PLA2G4C: variants seen among roughly 807,000 people sequenced by gnomAD.
PLA2G4C encodes the protein phospholipase A2 group IVC.
Under a neutral mutation model 73.8 loss-of-function variants are expected in PLA2G4C, and 64 were observed. That is an observed-to-expected ratio of 0.87 (90% CI 0.71 to 1.07). The LOEUF (loss-of-function observed/expected upper bound fraction) is 1.07, where lower values mean the gene tolerates loss of function less well. Ranked by LOEUF, PLA2G4C falls within the 50% of genes least tolerant of loss-of-function variation. The probability of loss-of-function intolerance (pLI) is 0.00; values close to 1 mark genes in which losing one functional copy is unlikely to be tolerated. For synonymous variants in PLA2G4C, 254 were observed against 252.1 expected, an observed-to-expected ratio of 1.01 and a Z score of -0.07; for missense variants, 622 against 665.4, an observed-to-expected ratio of 0.93 and a Z score of 0.72.
chr19:48,048,075 TCAGA>T lies in PLA2G4C; in HGVS notation c.*264_*267del, dbSNP rs1967589069. 1.2e-5 allele frequency: 6 copies of T among 492,446 alleles called. No homozygotes were observed. Among genetic ancestry groups the T allele is most frequent in the Non-Finnish European group, 2.1e-5 (6 of 283,136 alleles). 30.5% of individuals were successfully genotyped at this position (492,446 alleles called of 1,614,324 possible). ...ACATTGGACATGATGCTTCTGATTG[TCAGA>T]CACTCATGCTCCAGCTCCAGGATCT... On this transcript the variant is annotated 3_prime_UTR_variant, in exon 17 of 17. Transcript: ENST00000599921.
intron 12 of PLA2G4C, 102 bp downstream of exon 12, chr19:48,074,665 T>A (rs2030013194): frequency 1.3e-6 from 1 of 782,248 alleles, no homozygotes; most frequent in Non-Finnish European, 2.3e-6. Context: ...CATCTGGTCA[T>A]GTCCCCTGCA....
At chr19:48,084,144 T>C (rs1017257818) in intron 10 of PLA2G4C, among the ~76,000 whole-genome samples, 1 of 150,676 alleles carries the variant, frequency 6.6e-6, no homozygotes, top group Non-Finnish European at 1.5e-5. Flanking sequence ...ACTGCAGCCT[T>C]TGCCTCCTGG....
At position 48,074,882 on chromosome 19, in the gene PLA2G4C, A is replaced by C. The variant is rs780609124; in HGVS notation, c.899-8T>G. On this transcript the variant is annotated splice_polypyrimidine_tract_variant and splice_region_variant and intron_variant, in intron 11 of 16. Transcript: ENST00000599921. ...CAGGCTCACCGCCTTCATCTACGTCAAGAAATCCAGGTGGTCTCAGACACT... is the reference window on the plus strand; with the variant it reads ...CAGGCTCACCGCCTTCATCTACGTCCAGAAATCCAGGTGGTCTCAGACACT... The C allele has an allele frequency of 3.2e-6, 5 of 1,580,810 alleles. No individual in the cohort carries two copies. Among genetic ancestry groups the C allele is most frequent in the Non-Finnish European group, 4.3e-6 (5 of 1,159,062 alleles).
intron 11 of PLA2G4C, among the ~76,000 whole-genome samples, chr19:48,077,112 T>TA (rs2030216976): frequency 6.6e-6 from 1 of 152,212 alleles, no homozygotes; most frequent in African/African-American, 2.4e-5. Flanking sequence ...TGCCTCAGGC[T>TA]GTTCCCATTT....
intron 5 of PLA2G4C, 53 bp from the exon 6 acceptor site, chr19:48,098,312 G>A: frequency 6.5e-7 from 1 of 1,545,584 alleles, no homozygotes; most frequent in Non-Finnish European, 8.7e-7. Context: ...GTCCCACAGG[G>A]TGGAACCTCT....
chr19:48,060,385 C>A lies in PLA2G4C; in HGVS notation c.1257+1613G>T, dbSNP rs1968125730. Among the ~76,000 whole-genome samples the A allele has an allele frequency of 2.0e-5, 3 of 152,184 alleles. No individual in the cohort carries two copies. The South Asian group carries it at 6.2e-4, about 31-fold the overall frequency. On this transcript the variant is annotated intron_variant, in intron 14 of 16. Transcript: ENST00000599921. Reference sequence around the variant, plus strand: ...CTCAAGTGCCACATGTGGCCGGCAACCACTGTAGTGGACAGCTTAGGTCTC... The same window carrying A: ...CTCAAGTGCCACATGTGGCCGGCAAACACTGTAGTGGACAGCTTAGGTCTC...
At chr19:48,101,559 T>C (rs139378722) in intron 4 of PLA2G4C, among the ~76,000 whole-genome samples, 62 of 152,282 alleles carry the variant, frequency 4.1e-4, no homozygotes, top group Admixed American at 1.8e-3. Flanking sequence ...TGATTTAAAA[T>C]ATTTATTTCA....
At chr19:48,085,827 T>G (rs2030941089) in intron 9 of PLA2G4C, among the ~76,000 whole-genome samples, 1 of 152,050 alleles carries the variant, frequency 6.6e-6, no homozygotes, top group Non-Finnish European at 1.5e-5. Context: ...GAAAGTCCAG[T>G]CTCTGGGGTA....
At chr19:48,108,997 G>A (rs913202481) in intron 1 of PLA2G4C, 1 of 152,156 alleles carries the variant, frequency 6.6e-6, no homozygotes, top group African/African-American at 2.4e-5. Context: ...CTGGGGGTCA[G>A]TTTTCTTTGT....
chr19:48,062,230 G>C, intron 13 of PLA2G4C, 78 bp from the exon 14 acceptor site: 1 of 1,264,648 alleles, frequency 7.9e-7, no homozygotes. Flanking sequence ...GGCAGAGAGG[G>C]GGATGGGAAA....
chr19:48,061,391 C>G (rs1312408999), intron 14 of PLA2G4C: 1 of 153,500 alleles, frequency 6.5e-6, no homozygotes, highest in Non-Finnish European at 1.5e-5. Context: ...CAGAACAACT[C>G]CTGGTGGAGC....
intron 9 of PLA2G4C, among the ~76,000 whole-genome samples, chr19:48,088,276 C>T (rs1202618825): frequency 6.6e-6 from 1 of 151,840 alleles, no homozygotes; most frequent in Non-Finnish European, 1.5e-5. Flanking sequence ...TCCCTATATC[C>T]AAGGAACTCT....
rs915241149 is a variant in PLA2G4C at position 48,099,874 on chromosome 19, G to A, written c.258-14C>T. 1 of 1,592,376 alleles carries A rather than the reference G, an allele frequency of 6.3e-7. No individual in the cohort carries two copies. The highest frequency in any genetic ancestry group is 1.3e-5 in the African/African-American group (1 of 74,360). On this transcript the variant is annotated splice_polypyrimidine_tract_variant and intron_variant, in intron 4 of 16. Transcript: ENST00000599921. ...GAAGATATTGCCCTGGAGGACAGAG[G>A]AAGAGAGTGAGTTGGGCATTTTAAG...
chr19:48,056,832 C>CAAAAAAA (rs34317694), intron 14 of PLA2G4C, among the ~76,000 whole-genome samples: 4 of 83,752 alleles, frequency 4.8e-5, no homozygotes, highest in Admixed American at 1.5e-4. Context: ...GACTCTGTCT[C>CAAAAAAA]AAAAAAAAAA....
intron 6 of PLA2G4C, chr19:48,096,589 A>AACAAACAG (rs2031581352): frequency 6.5e-6 from 1 of 152,918 alleles, no homozygotes; most frequent in African/African-American, 2.4e-5. Flanking sequence ...GTCTCAAACA[A>AACAAACAG]ACAAACAGAC....
chr19:48,105,082 C>CAAAAAAAAAAAAAAAAAAAAAAAAAAA (rs3083068), intron 3 of PLA2G4C, among the ~76,000 whole-genome samples: 5 of 87,616 alleles, frequency 5.7e-5, no homozygotes, highest in South Asian at 4.7e-4. Flanking sequence ...GACGTTGTCT[C>CAAAAAAAAAAAAAAAAAAAAAAAAAAA]AAAAAAAAAA....
intron 9 of PLA2G4C, among the ~76,000 whole-genome samples, chr19:48,086,466 C>T (rs2030986649): frequency 6.6e-6 from 1 of 151,696 alleles, no homozygotes; most frequent in Non-Finnish European, 1.5e-5. Context: ...TGCTGCTTGC[C>T]CTGCACAGGG....
chr19:48,074,182 C>T (rs2386972), intron 12 of PLA2G4C, among the ~76,000 whole-genome samples: 4 of 151,952 alleles, frequency 2.6e-5, no homozygotes, highest in South Asian at 2.1e-4. Context: ...CCCCTCCCTG[C>T]GTCCATGTGT....
intron 12 of PLA2G4C, among the ~76,000 whole-genome samples, chr19:48,070,790 G>A (rs1007227395): frequency 5.3e-5 from 8 of 152,156 alleles, no homozygotes; most frequent in Non-Finnish European, 1.2e-4. Flanking sequence ...TAATGCATGT[G>A]GGGCTTAATA....
Sources: gnomAD v4.1 joint callset for allele counts (sites outside exome capture counted in the v4.1 genomes callset) on GRCh38, gnomAD v4.1.1 for gene constraint, MANE v1.5 for transcripts, NCBI Gene and HGNC (gene_info 2026-07-23, HGNC 2026-07-21) for gene names.